Variants in CLCN5 observed in about 807,000 individuals in gnomAD.
CLCN5 encodes the protein Cl-/H+ antiporter 5.
A neutral mutation model predicts 54.0 loss-of-function variants in CLCN5; 17 were observed. That is an observed-to-expected ratio of 0.31 (90% CI 0.22 to 0.47). The LOEUF is 0.47. Ranked by LOEUF, CLCN5 falls within the 20% of genes least tolerant of loss-of-function variation. CLCN5 has a pLI of 1.00. For synonymous variants in CLCN5, 222 were observed against 233.0 expected, an observed-to-expected ratio of 0.95 and a Z score of 0.43; for missense variants, 448 against 646.7, an observed-to-expected ratio of 0.69 and a Z score of 3.33.
At chrX:49,990,668 C>T in intron 3 of CLCN5, among the ~76,000 whole-genome samples, 1 of 111,940 alleles carries the variant, frequency 8.9e-6, no homozygotes, top group Non-Finnish European at 1.9e-5. Flanking sequence ...AAACTCCTTA[C>T]CTTAAGTGTT....
chrX:50,081,372 C>T (rs1933692314), intron 8 of CLCN5, among the ~76,000 whole-genome samples: 1 of 110,998 alleles, frequency 9.0e-6, no homozygotes, highest in South Asian at 3.9e-4. Flanking sequence ...CCAGCTCCTC[C>T]TTCATATATG....
intron 4 of CLCN5, among the ~76,000 whole-genome samples, chrX:50,054,086 G>T (rs1001026624): frequency 2.7e-5 from 3 of 111,019 alleles, no homozygotes; most frequent in Non-Finnish European, 5.7e-5. Context: ...GGTGAAGTAT[G>T]GGGGAGGTGG....
intron 3 of CLCN5, among the ~76,000 whole-genome samples, chrX:49,991,921 T>C: frequency 8.9e-6 from 1 of 112,139 alleles, no homozygotes; most frequent in East Asian, 2.8e-4. Flanking sequence ...GTAATCCATG[T>C]GCAGAGGTGC....
chrX:49,940,180 C>T (rs782006066), intron 3 of CLCN5, among the ~76,000 whole-genome samples: 5 of 111,983 alleles, frequency 4.5e-5, no homozygotes, highest in Non-Finnish European at 9.4e-5. Flanking sequence ...CCTGGTTTTC[C>T]TGGGCCCCTG....
At chrX:49,924,079 A>T (rs1163948619) in intron 2 of CLCN5, among the ~76,000 whole-genome samples, 3 of 110,972 alleles carry the variant, frequency 2.7e-5, no homozygotes, top group African/African-American at 3.3e-5. Context: ...GGGCAAGCAG[A>T]GTGTTAAGCC....
At chrX:50,088,661 C>A (rs1405660465) in intron 11 of CLCN5, 37 bp from the exon 12 acceptor site, 6 of 1,172,503 alleles carry the variant, frequency 5.1e-6, no homozygotes, top group Non-Finnish European at 7.0e-6. Context: ...GCAATCACAT[C>A]ATTTCTCACT....
intron 3 of CLCN5, among the ~76,000 whole-genome samples, chrX:50,022,863 C>T (rs1931175869): frequency 1.3e-5 from 1 of 75,428 alleles, no homozygotes; most frequent in Non-Finnish European, 2.3e-5. Flanking sequence ...AATTTCTGTT[C>T]TTTTACATTT....
At chrX:50,046,716 A>C (rs1932407410) in intron 4 of CLCN5, among the ~76,000 whole-genome samples, 1 of 111,412 alleles carries the variant, frequency 9.0e-6, no homozygotes, top group African/African-American at 3.3e-5. Context: ...AGTTTTAGAG[A>C]ATTTTTGGCA....
At chrX:50,004,293 G>A (rs1367066596) in intron 3 of CLCN5, among the ~76,000 whole-genome samples, 2 of 111,975 alleles carry the variant, frequency 1.8e-5, no homozygotes, top group Non-Finnish European at 3.8e-5. Flanking sequence ...GTGAGGGGAG[G>A]CAGGTAGTGA....
chrX:49,963,693 T>C (rs1557175097), intron 3 of CLCN5, among the ~76,000 whole-genome samples: 2 of 112,164 alleles, frequency 1.8e-5, no homozygotes, highest in African/African-American at 6.5e-5. Flanking sequence ...TCAGAGTTAT[T>C]CTGAAGACCT....
chrX:50,017,875 A>G (rs782250422), intron 3 of CLCN5, among the ~76,000 whole-genome samples: 11 of 111,742 alleles, frequency 9.8e-5, no homozygotes, highest in Non-Finnish European at 2.1e-4. Flanking sequence ...TGATTATTGT[A>G]GCTTTATAGT....
intron 3 of CLCN5, among the ~76,000 whole-genome samples, chrX:50,019,468 C>T (rs199519216): frequency 0.035 from 1,632 of 47,169 alleles, 73 homozygotes; most frequent in African/African-American, 0.12. Flanking sequence ...TTTTTTTTTT[C>T]TTTTTTTTTT....
chrX:49,959,092 C>T (rs1927474283), intron 3 of CLCN5, among the ~76,000 whole-genome samples: 1 of 111,175 alleles, frequency 9.0e-6, no homozygotes, highest in Admixed American at 9.6e-5. Flanking sequence ...GACCTATCCT[C>T]CCAAATATTT....
chrX:50,082,177 T>C (rs1317875925), intron 9 of CLCN5, among the ~76,000 whole-genome samples: 1 of 112,283 alleles, frequency 8.9e-6, no homozygotes, highest in Non-Finnish European at 1.9e-5. Flanking sequence ...TGACTTGGAA[T>C]TCTGGCTATG....
At chrX:49,948,233 T>C (rs1190060692) in intron 3 of CLCN5, among the ~76,000 whole-genome samples, 2 of 109,471 alleles carry the variant, frequency 1.8e-5, no homozygotes, top group African/African-American at 6.7e-5. Flanking sequence ...ATAATATAGA[T>C]GCATCTAGAG....
In CLCN5 at chrX:50,095,557, G is replaced by A. The variant is rs1362848002; in HGVS notation, c.*3338G>A. 8.9e-5 allele frequency: 10 copies of A among 112,601 alleles called. No individual in the cohort carries two copies. In the South Asian group the frequency reaches 3.7e-3, roughly 41 times the overall value. The allele number at this position is 112,601 out of a possible 1,213,427, so 9.3% of individuals were successfully genotyped here. A position where few individuals can be genotyped will look rare whatever the true frequency, so the allele number is the denominator to read the frequency against. On this transcript the variant is annotated 3_prime_UTR_variant, in exon 15 of 15. Coordinates refer to ENST00000376091, the MANE Select transcript of CLCN5 (RefSeq NM_001127898.4). ...AGCTGGTGAAGCAAACGATTAATTT[G>A]TGATTGAACTGAAAAGCAGTTGAAT...
At chrX:49,938,185 T>C (rs1557170091) in intron 3 of CLCN5, among the ~76,000 whole-genome samples, 1 of 111,402 alleles carries the variant, frequency 9.0e-6, no homozygotes, top group Admixed American at 9.6e-5. Context: ...CTTTAAGATA[T>C]TGATTATTGT....
At chrX:49,931,051 G>T (rs1557168800) in intron 3 of CLCN5, among the ~76,000 whole-genome samples, 1 of 111,152 alleles carries the variant, frequency 9.0e-6, no homozygotes, top group Non-Finnish European at 1.9e-5. Context: ...CCAAGCCTAG[G>T]CCTCACTCAG....
intron 2 of CLCN5, among the ~76,000 whole-genome samples, chrX:49,924,145 A>ATTTTTTTTTTTTTTTTTTTTTTTTTTTT (rs34424526): frequency 1.2e-5 from 1 of 84,507 alleles, no homozygotes; most frequent in African/African-American, 4.5e-5. Flanking sequence ...CCTAGCTCCT[A>ATTTTTTTTTTTTTTTTTTTTTTTTTTTT]TTTTTTTTTT....
Sources: gnomAD v4.1 joint callset for allele counts (sites outside exome capture counted in the v4.1 genomes callset) on GRCh38, gnomAD v4.1.1 for gene constraint, MANE v1.5 for transcripts, NCBI Gene and HGNC (gene_info 2026-07-23, HGNC 2026-07-21) for gene names.